Variants in ILDR1 observed in about 807,000 individuals in gnomAD.
ILDR1 encodes immunoglobulin like domain containing receptor 1, also known as immunoglobulin-like domain-containing receptor 1.
A neutral mutation model predicts 62.4 loss-of-function variants in ILDR1; 56 were observed. That is an observed-to-expected ratio of 0.90 (90% CI 0.72 to 1.12). The LOEUF (loss-of-function observed/expected upper bound fraction) is 1.12, where lower values mean the gene tolerates loss of function less well. ILDR1 is among the 50% of genes most tolerant of loss of function. The probability of loss-of-function intolerance (pLI) is 0.00; values close to 1 mark genes in which losing one functional copy is unlikely to be tolerated. For missense variants in ILDR1, 736 were observed against 710.6 expected (o/e 1.04, Z -0.41); for synonymous variants, 284 against 277.8 (o/e 1.02, Z -0.22).
chr3:121,996,571 G>T (rs1389321798), intron 5 of ILDR1, among the ~76,000 whole-genome samples: 1 of 152,200 alleles, frequency 6.6e-6, no homozygotes, highest in Non-Finnish European at 1.5e-5. Context: ...GGCAATAAAA[G>T]TAGGAAACCT....
chr3:122,036,486 G>T, the ILDR1 span, among the ~76,000 whole-genome samples: 2 of 152,118 alleles, frequency 1.3e-5, no homozygotes, highest in African/African-American at 4.8e-5. Flanking sequence ...CTACTCAGGA[G>T]GCTGAGGCAG....
chr3:122,012,933 T>A (rs983106115), intron 1 of ILDR1, among the ~76,000 whole-genome samples: 1 of 152,186 alleles, frequency 6.6e-6, no homozygotes. Flanking sequence ...CTTGCCAGGC[T>A]CTGTGAAAGA....
At chr3:122,041,035 G>A in the ILDR1 span, among the ~76,000 whole-genome samples, 1,499 of 152,246 alleles carry the variant, frequency 9.8e-3, 10 homozygotes, top group Middle Eastern at 0.024. Flanking sequence ...ACTGTTATCC[G>A]AAATATATAA....
the ILDR1 span, among the ~76,000 whole-genome samples, chr3:122,049,796 C>A: frequency 2.6e-5 from 4 of 152,104 alleles, no homozygotes; most frequent in Non-Finnish European, 5.9e-5. Context: ...TGGATTATAG[C>A]CTCATCAAAT....
chr3:122,046,752 C>A, the ILDR1 span, among the ~76,000 whole-genome samples: 1 of 135,314 alleles, frequency 7.4e-6, no homozygotes, highest in African/African-American at 2.8e-5. Flanking sequence ...GTTCTCGAGC[C>A]TTGGTTTTCA....
At chr3:121,998,050 G>C (rs2071463127) in intron 5 of ILDR1, among the ~76,000 whole-genome samples, 1 of 152,054 alleles carries the variant, frequency 6.6e-6, no homozygotes, top group South Asian at 2.1e-4. Flanking sequence ...ATTTTGATTT[G>C]CTGAAATCGA....
chr3:122,041,200 A>T, the ILDR1 span, among the ~76,000 whole-genome samples: 2 of 152,122 alleles, frequency 1.3e-5, no homozygotes, highest in African/African-American at 4.8e-5. Flanking sequence ...TTAATTACCA[A>T]TGTAACAGTG....
At chr3:122,043,439 C>G in the ILDR1 span, among the ~76,000 whole-genome samples, 8 of 124,312 alleles carry the variant, frequency 6.4e-5, no homozygotes, top group East Asian at 1.2e-3. Context: ...GTAGTTTTTT[C>G]CAATTCTGTG....
intron 1 of ILDR1, among the ~76,000 whole-genome samples, chr3:122,012,254 T>A (rs1464832992): frequency 6.6e-6 from 1 of 152,146 alleles, no homozygotes; most frequent in Non-Finnish European, 1.5e-5. Context: ...AAGAGAAACG[T>A]CCTGATTGTA....
At chr3:122,009,080 T>G (rs2071663499) in intron 1 of ILDR1, among the ~76,000 whole-genome samples, 1 of 151,936 alleles carries the variant, frequency 6.6e-6, no homozygotes, top group African/African-American at 2.4e-5. Flanking sequence ...ACTACAGGCA[T>G]GCACCACCAT....
the ILDR1 span, among the ~76,000 whole-genome samples, chr3:122,052,229 G>A: frequency 2.6e-5 from 4 of 152,110 alleles, no homozygotes; most frequent in Admixed American, 2.0e-4. Flanking sequence ...TTAGCTCTTT[G>A]GTTTCTTTTC....
chr3:122,029,650 A>T, the ILDR1 span, among the ~76,000 whole-genome samples: 1 of 151,884 alleles, frequency 6.6e-6, no homozygotes, highest in Non-Finnish European at 1.5e-5. Flanking sequence ...TTTTACAAAC[A>T]TATGAAACAC....
chr3:121,996,674 T>C (rs970210420), intron 5 of ILDR1, among the ~76,000 whole-genome samples: 18 of 152,210 alleles, frequency 1.2e-4, no homozygotes, highest in Non-Finnish European at 2.4e-4. Context: ...AATGAGCTTG[T>C]TAAAAATACA....
chr3:122,008,036 G>C (rs1402209310), intron 1 of ILDR1, among the ~76,000 whole-genome samples: 1 of 152,178 alleles, frequency 6.6e-6, no homozygotes, highest in African/African-American at 2.4e-5. Context: ...CCAGTGCCCA[G>C]TACTGTGCCT....
chr3:122,045,936 T>C, the ILDR1 span, among the ~76,000 whole-genome samples: 1 of 150,992 alleles, frequency 6.6e-6, no homozygotes, highest in Non-Finnish European at 1.5e-5. Context: ...TTAATATTGT[T>C]ATGTGTGAAT....
At chr3:122,015,611 A>G (rs1347336762) in intron 1 of ILDR1, among the ~76,000 whole-genome samples, 2 of 152,196 alleles carry the variant, frequency 1.3e-5, no homozygotes, top group Non-Finnish European at 2.9e-5. Context: ...CACCATGTGA[A>G]GAAGGACATG....
chr3:122,061,046 A>T, the ILDR1 span, among the ~76,000 whole-genome samples: 2 of 152,230 alleles, frequency 1.3e-5, no homozygotes, highest in African/African-American at 4.8e-5. Flanking sequence ...AAACAACCCT[A>T]ATGTCACAGC....
intron 1 of ILDR1, among the ~76,000 whole-genome samples, chr3:122,018,946 T>C (rs1160591038): frequency 6.6e-6 from 1 of 152,218 alleles, no homozygotes; most frequent in African/African-American, 2.4e-5. Flanking sequence ...CTGTTCTAGA[T>C]GCTGTCTCTC....
At chr3:122,020,413 T>C (rs547462674) in intron 1 of ILDR1, among the ~76,000 whole-genome samples, 23 of 152,362 alleles carry the variant, frequency 1.5e-4, no homozygotes, top group African/African-American at 5.5e-4. Flanking sequence ...TTATTTACAT[T>C]TCTACACATA....
Sources: allele counts gnomAD v4.1 joint callset (sites outside exome capture counted in the v4.1 genomes callset), GRCh38; gene constraint gnomAD v4.1.1; transcripts MANE v1.5; gene names NCBI Gene and HGNC (gene_info 2026-07-23, HGNC 2026-07-21).